ADAMTSL1: variants seen among roughly 807,000 people sequenced by gnomAD.
ADAMTSL1 encodes the protein ADAMTS-like protein 1.
Under a neutral mutation model 201.8 loss-of-function variants are expected in ADAMTSL1, and 126 were observed. That is an observed-to-expected ratio of 0.62 (90% CI 0.54 to 0.72). The LOEUF (loss-of-function observed/expected upper bound fraction) is 0.72. Ranked by LOEUF, ADAMTSL1 falls within the 30% of genes least tolerant of loss-of-function variation. The pLI is 0.00. For missense variants in ADAMTSL1, 2,679 were observed against 2,277.8 expected, an observed-to-expected ratio of 1.18 and a Z score of -3.59; for synonymous variants, 1,121 against 903.4, an observed-to-expected ratio of 1.24 and a Z score of -4.32.
intron 2 of ADAMTSL1, among the ~76,000 whole-genome samples, chr9:18,344,092 G>A (rs1023697370): frequency 6.6e-6 from 1 of 152,090 alleles, no homozygotes; most frequent in African/African-American, 2.4e-5. Context: ...GGCTGTCTAT[G>A]CAGTCCAGGT....
intron 4 of ADAMTSL1, chr9:18,574,621 T>TG: frequency 4.4e-5 from 10 of 225,152 alleles, no homozygotes; most frequent in South Asian, 1.6e-4. Flanking sequence ...GTGTGTGTAT[T>TG]TAGAGACTGG....
intron 2 of ADAMTSL1, among the ~76,000 whole-genome samples, chr9:18,467,897 T>C (rs955257252): frequency 2.0e-5 from 3 of 152,214 alleles, no homozygotes; most frequent in African/African-American, 7.2e-5. Context: ...TATAAATCTG[T>C]TAACAGCTCT....
intron 1 of ADAMTSL1, among the ~76,000 whole-genome samples, chr9:17,938,898 A>G (rs1827118471): frequency 6.6e-6 from 1 of 152,120 alleles, no homozygotes; most frequent in South Asian, 2.1e-4. Flanking sequence ...CTTAAGCTGG[A>G]CATAGAGAAA....
At chr9:18,754,466 G>A (rs960900467) in intron 16 of ADAMTSL1, among the ~76,000 whole-genome samples, 2 of 152,190 alleles carry the variant, frequency 1.3e-5, no homozygotes, top group African/African-American at 4.8e-5. Flanking sequence ...ATGAAAGGTG[G>A]AGGAGACATA....
intron 1 of ADAMTSL1, among the ~76,000 whole-genome samples, chr9:18,012,056 A>G (rs1407122732): frequency 6.6e-6 from 1 of 152,014 alleles, no homozygotes; most frequent in Non-Finnish European, 1.5e-5. Flanking sequence ...TTCCATTTCT[A>G]GAGAAAGAAA....
intron 2 of ADAMTSL1, among the ~76,000 whole-genome samples, chr9:18,339,356 C>T (rs1835375299): frequency 1.3e-5 from 2 of 152,122 alleles, no homozygotes; most frequent in African/African-American, 4.8e-5. Flanking sequence ...TGAAAAACTG[C>T]TTAACATCAC....
chr9:18,420,541 T>C (rs747891792), intron 2 of ADAMTSL1, among the ~76,000 whole-genome samples: 7 of 152,200 alleles, frequency 4.6e-5, no homozygotes, highest in Non-Finnish European at 1.0e-4. Flanking sequence ...CCTCCAAATA[T>C]TGGGCATGCC....
At chr9:18,220,894 C>T (rs1830233160) in intron 2 of ADAMTSL1, among the ~76,000 whole-genome samples, 2 of 151,916 alleles carry the variant, frequency 1.3e-5, no homozygotes, top group Non-Finnish European at 2.9e-5. Flanking sequence ...CCTGCCTCAC[C>T]CTCCCAAGTA....
chr9:18,490,007 A>C (rs146609830), intron 1 of ADAMTSL1, among the ~76,000 whole-genome samples: 1 of 152,202 alleles, frequency 6.6e-6, no homozygotes, highest in Non-Finnish European at 1.5e-5. Flanking sequence ...AACCTTAGTC[A>C]TCTCGTGCTC....
At chr9:17,998,641 A>G (rs1563941257) in intron 1 of ADAMTSL1, among the ~76,000 whole-genome samples, 1 of 152,040 alleles carries the variant, frequency 6.6e-6, no homozygotes, top group Admixed American at 6.6e-5. Flanking sequence ...GGGAAGGTAA[A>G]TGCTTTGGAA....
At chr9:18,397,112 A>G (rs756930320) in intron 2 of ADAMTSL1, among the ~76,000 whole-genome samples, 1 of 152,170 alleles carries the variant, frequency 6.6e-6, no homozygotes, top group Non-Finnish European at 1.5e-5. Context: ...CACTAAGTTT[A>G]GGTTTGTTTA....
chr9:18,715,411 C>A (rs1277490024), intron 14 of ADAMTSL1, among the ~76,000 whole-genome samples: 1 of 152,134 alleles, frequency 6.6e-6, no homozygotes, highest in African/African-American at 2.4e-5. Flanking sequence ...AATCAATGTA[C>A]AAAAATCGCA....
chr9:18,445,243 T>G (rs538564602), intron 2 of ADAMTSL1, among the ~76,000 whole-genome samples: 12 of 152,302 alleles, frequency 7.9e-5, no homozygotes, highest in African/African-American at 2.6e-4. Flanking sequence ...GCCTTTGATT[T>G]GAGAGCTAAA....
chr9:18,504,693 C>A (rs893734843), intron 1 of ADAMTSL1, 136 bp from the exon 2 acceptor site: 7 of 1,233,406 alleles, frequency 5.7e-6, no homozygotes, highest in Non-Finnish European at 8.2e-6. Context: ...GGAAAAGAAT[C>A]CGAGAATCTG....
chr9:18,376,075 G>T lies in ADAMTSL1; in HGVS notation c.208-128754G>T, dbSNP rs192451695. ...CTCCAAGTCCCCACCCGACCCAGAA[G>T]TCCAGCTGGCTTCACCTTTCACTTC... On this transcript the variant is annotated intron_variant, in intron 2 of 29. Transcript: ENST00000680146. Among the ~76,000 whole-genome samples the T allele has an allele frequency of 1.9e-4, 29 of 152,324 alleles. 1 individual carries two copies. The highest frequency in any genetic ancestry group is 8.5e-4 in the Admixed American group (13 of 15,294).
intron 2 of ADAMTSL1, among the ~76,000 whole-genome samples, chr9:18,264,924 T>A (rs1037719190): frequency 6.6e-6 from 1 of 152,314 alleles, no homozygotes; most frequent in Non-Finnish European, 1.5e-5. Context: ...CTCTGTTACA[T>A]ACATAAATAA....
At chr9:18,778,503 T>C (rs1424036478) in intron 19 of ADAMTSL1, among the ~76,000 whole-genome samples, 2 of 152,264 alleles carry the variant, frequency 1.3e-5, no homozygotes, top group African/African-American at 4.8e-5. Context: ...TGACAGCATG[T>C]ATCACTTCCT....
chr9:18,583,741 C>T (rs186159588), intron 4 of ADAMTSL1, among the ~76,000 whole-genome samples: 3 of 152,310 alleles, frequency 2.0e-5, no homozygotes, highest in Admixed American at 2.0e-4. Context: ...GGACCCACCT[C>T]TTGCATCAGA....
At chr9:18,239,179 G>T (rs1460271284) in intron 2 of ADAMTSL1, among the ~76,000 whole-genome samples, 1 of 152,120 alleles carries the variant, frequency 6.6e-6, no homozygotes, top group African/African-American at 2.4e-5. Context: ...GGGTGGTGAA[G>T]GGTAGGGTAG....
Sources: allele counts gnomAD v4.1 joint callset (sites outside exome capture counted in the v4.1 genomes callset), GRCh38; gene constraint gnomAD v4.1.1; transcripts MANE v1.5; gene names NCBI Gene and HGNC (gene_info 2026-07-23, HGNC 2026-07-21).